The following JPH2 variants were observed in gnomAD, a reference collection of about 807,000 sequenced individuals.
The protein encoded by JPH2 is junctophilin 2, also known as junctophilin-2.
A neutral mutation model predicts 55.9 loss-of-function variants in JPH2; 38 were observed. The ratio of observed to expected loss-of-function variants is 0.68; its 90% CI spans 0.52 to 0.89. JPH2 has a LOEUF of 0.89. Among genes scored for constraint, JPH2 ranks in the 40% least tolerant of loss-of-function variants. The pLI is 0.00. For synonymous variants in JPH2, 480 were observed against 472.4 expected (o/e 1.02, Z -0.21); for missense variants, 964 against 1,037.6 (o/e 0.93, Z 0.97).
intron 2 of JPH2, among the ~76,000 whole-genome samples, chr20:44,124,773 C>A (rs887916664): frequency 1.3e-5 from 2 of 151,618 alleles, no homozygotes; most frequent in Non-Finnish European, 2.9e-5. Flanking sequence ...AGCTTTTGTA[C>A]CACCCATGAA....
At chr20:44,147,707 G>A (rs1355630528) in intron 2 of JPH2, among the ~76,000 whole-genome samples, 3 of 152,134 alleles carry the variant, frequency 2.0e-5, no homozygotes, top group Non-Finnish European at 4.4e-5. Context: ...GGATTTTAAC[G>A]ACAGATATGT....
At position 44,178,268 on chromosome 20, in the gene JPH2, A is replaced by G. The variant is rs111784271; in HGVS notation, c.379+8059T>C. On this transcript the variant is annotated intron_variant, in intron 1 of 5. Transcript: ENST00000372980. ...AACTGAGCAAGGTAAAAGAATTCAA[A>G]GTCAATATACAAAAATAGTTGTATT... 0.02 allele frequency among the ~76,000 whole-genome samples: 3,073 copies of G among 152,376 alleles called. 110 individuals carry two copies. The highest frequency in any genetic ancestry group is 0.07 in the African/African-American group (2,914 of 41,578).
At chr20:44,176,518 T>G (rs1476326588) in intron 1 of JPH2, among the ~76,000 whole-genome samples, 2 of 152,036 alleles carry the variant, frequency 1.3e-5, no homozygotes, top group African/African-American at 4.8e-5. Context: ...AAGGTAGCCA[T>G]AGGCCGGGCA....
intron 1 of JPH2, among the ~76,000 whole-genome samples, chr20:44,170,534 C>T (rs533518037): frequency 6.6e-6 from 1 of 152,120 alleles, no homozygotes; most frequent in Non-Finnish European, 1.5e-5. Context: ...TCCAAGCATA[C>T]CAAGATCAGA....
rs924429420 is a variant in JPH2 at position 44,180,340 on chromosome 20, A to AT, written c.379+5986dup. Reference sequence around the variant, plus strand: ...TCTTTATTATTATTATATTTATTTTATTTTTTTTTGACACAGTGTCTCATT... The same window carrying AT: ...TCTTTATTATTATTATATTTATTTTATTTTTTTTTTGACACAGTGTCTCATT... On this transcript the variant is annotated intron_variant, in intron 1 of 5. Coordinates refer to ENST00000372980, the MANE Select transcript of JPH2 (RefSeq NM_020433.5). Among the ~76,000 whole-genome samples, 145 of 130,852 alleles carry AT rather than the reference A, an allele frequency of 1.1e-3. No homozygotes were observed. The South Asian group carries it at 0.014, about 12-fold the overall frequency. The allele number at this position is 130,852 out of a possible 152,430, so 85.8% of individuals were successfully genotyped here. A position where few individuals can be genotyped will look rare whatever the true frequency, so the allele number is the denominator to read the frequency against.
chr20:44,176,659 G>A (rs1169208388), intron 1 of JPH2, among the ~76,000 whole-genome samples: 2 of 151,970 alleles, frequency 1.3e-5, no homozygotes, highest in Non-Finnish European at 2.9e-5. Context: ...GCCAGGCATG[G>A]TGATGTGTGC....
chr20:44,122,664 G>A (rs554484283), intron 2 of JPH2, among the ~76,000 whole-genome samples: 6 of 152,200 alleles, frequency 3.9e-5, no homozygotes, highest in African/African-American at 1.2e-4. Context: ...CTCCCCTCCT[G>A]AAGTTGCCGT....
rs1428415960 is a variant in JPH2, at chr20:44,160,447, G to A, written c.380-40C>T. On this transcript the variant is annotated intron_variant, in intron 1 of 5. Transcript: ENST00000372980. This position sits in a 1 kb window ranked among gnomAD's most constrained non-coding sequence, Gnocchi z 4.9. ...AGGGCGCGTCAGTAGGCGGCACGAC[G>A]GGTCCCCGCGTGTGCACGGTGGCCT... is the stretch of plus-strand genomic sequence containing the variant. The A allele has an allele frequency of 3.8e-6, 6 of 1,593,058 alleles. No individual in the cohort carries two copies. Among genetic ancestry groups the A allele is most frequent in the African/African-American group, 2.7e-5 (2 of 74,710 alleles).
In JPH2 at chr20:44,186,770, T is replaced by C. The variant is rs556404209; in HGVS notation, c.-65A>G. On this transcript the variant is annotated 5_prime_UTR_variant, in exon 1 of 6. Transcript: ENST00000372980. The stretch of plus-strand genomic sequence containing the variant: ...GGGTGCAGAGGGCGTGGGTGATGCC[T>C]GCAACACTCCTCCAGTGCCCTCGGG... The C allele has an allele frequency of 3.3e-6, 5 of 1,495,966 alleles. No homozygotes were observed. The highest frequency in any genetic ancestry group is 4.5e-5 in the East Asian group (2 of 44,334). 92.7% of individuals were successfully genotyped at this position (1,495,966 alleles called of 1,614,324 possible). A position where few individuals can be genotyped will look rare whatever the true frequency, so the allele number is the denominator to read the frequency against.
intron 3 of JPH2, 58 bp downstream of exon 3, chr20:44,118,447 A>C: frequency 7.3e-7 from 1 of 1,372,268 alleles, no homozygotes; most frequent in Admixed American, 1.7e-5. Context: ...GTAAGCAAAG[A>C]AAAGCGCCCA....
At chr20:44,146,179 G>A (rs762015380) in intron 2 of JPH2, among the ~76,000 whole-genome samples, 8 of 151,908 alleles carry the variant, frequency 5.3e-5, no homozygotes, top group East Asian at 1.9e-4. Flanking sequence ...GACTACAGGC[G>A]CCCACTGCCA....
intron 2 of JPH2, among the ~76,000 whole-genome samples, chr20:44,156,644 G>A (rs1261475225): frequency 2.0e-5 from 3 of 152,102 alleles, no homozygotes; most frequent in Non-Finnish European, 4.4e-5. Context: ...AGCAGAAGGC[G>A]GGAGTGCCAA....
chr20:44,153,603 G>T (rs2072545918), intron 2 of JPH2, among the ~76,000 whole-genome samples: 1 of 152,190 alleles, frequency 6.6e-6, no homozygotes, highest in African/African-American at 2.4e-5. Flanking sequence ...AACCTGAGAT[G>T]CTCCAAACCT....
At chr20:44,151,289 C>T (rs1174894039) in intron 2 of JPH2, among the ~76,000 whole-genome samples, 3 of 152,104 alleles carry the variant, frequency 2.0e-5, no homozygotes, top group African/African-American at 7.2e-5. Flanking sequence ...GGTTGAAGCG[C>T]ATGGATCACC....
chr20:44,124,663 A>G (rs972838477), intron 2 of JPH2, among the ~76,000 whole-genome samples: 3 of 151,890 alleles, frequency 2.0e-5, no homozygotes, highest in Non-Finnish European at 4.4e-5. Flanking sequence ...TAAAAAAAAA[A>G]GTAAAAAAGA....
chr20:44,134,693 ATATATACATTAATATATAT>A lies in JPH2; in HGVS notation c.1170-16089_1170-16071del, dbSNP rs1395235501. On this transcript the variant is annotated intron_variant, in intron 2 of 5. Coordinates refer to ENST00000372980, the MANE Select transcript of JPH2 (RefSeq NM_020433.5). ...ATATATATTTATAAATATTATAAAT[ATATATACATTAATATATAT>A]TATAAATATATATTTATTATAAATA... is the stretch of plus-strand genomic sequence containing the variant. Among the ~76,000 whole-genome samples, 60 of 46,204 alleles carry A rather than the reference ATATATACATTAATATATAT, an allele frequency of 1.3e-3. 3 individuals carry two copies. The highest frequency in any genetic ancestry group is 3.0e-3 in the Admixed American group (6 of 2,030). 30.3% of individuals were successfully genotyped at this position (46,204 alleles called of 152,430 possible).
chr20:44,133,680 TCTC>T (rs918433896), intron 2 of JPH2, among the ~76,000 whole-genome samples: 19 of 151,068 alleles, frequency 1.3e-4, no homozygotes, highest in African/African-American at 4.1e-4. Context: ...TCAAGTCTAA[TCTC>T]CTGCCTATCA....
At chr20:44,127,723 C>T (rs1265921012) in intron 2 of JPH2, among the ~76,000 whole-genome samples, 2 of 151,920 alleles carry the variant, frequency 1.3e-5, no homozygotes, top group Non-Finnish European at 2.9e-5. Context: ...CTCCTGACCT[C>T]GTGATCCACC....
intron 2 of JPH2, among the ~76,000 whole-genome samples, chr20:44,125,375 T>C (rs901979118): frequency 6.6e-6 from 1 of 152,208 alleles, no homozygotes; most frequent in Non-Finnish European, 1.5e-5. Context: ...ATATTAATCT[T>C]GGTTATTTGT....
Sources: gnomAD v4.1 joint callset for allele counts (sites outside exome capture counted in the v4.1 genomes callset) on GRCh38, gnomAD v4.1.1 for gene constraint, Gnocchi (gnomAD v3.1) non-coding constraint, MANE v1.5 for transcripts, NCBI Gene and HGNC (gene_info 2026-07-23, HGNC 2026-07-21) for gene names.